The following HSPG2 variants were observed in gnomAD, a reference collection of about 807,000 sequenced individuals.
The protein encoded by HSPG2 is heparan sulfate proteoglycan 2.
A neutral mutation model predicts 526.6 loss-of-function variants in HSPG2; 278 were observed. The ratio of observed to expected loss-of-function variants is 0.53; its 90% CI spans 0.48 to 0.58. The LOEUF (loss-of-function observed/expected upper bound fraction) is 0.58, where lower values mean the gene tolerates loss of function less well. HSPG2 is among the 20% of genes least tolerant of loss of function. The pLI is 0.00. For missense variants in HSPG2, 5,354 were observed against 6,099.5 expected (o/e 0.88, Z 4.07); for synonymous variants, 2,465 against 2,555.4 (o/e 0.96, Z 1.07).
At chr1:21,852,627 G>T in intron 52 of HSPG2, 73 bp downstream of exon 52, 3 of 1,597,560 alleles carry the variant, frequency 1.9e-6, no homozygotes, top group East Asian at 2.2e-5. Flanking sequence ...CAGCAAGAGG[G>T]GTCCCTTGGA....
At chr1:21,861,733 C>G (rs747445954) in intron 39 of HSPG2, 24 bp downstream of exon 39, 1 of 1,608,402 alleles carries the variant, frequency 6.2e-7, no homozygotes, top group East Asian at 2.2e-5. Context: ...TCCACCCTCC[C>G]CCTACTTCTG....
chr1:21,870,397 A>T, intron 33 of HSPG2: 2 of 566,000 alleles, frequency 3.5e-6, no homozygotes, highest in Non-Finnish European at 4.4e-6. Context: ...CTACCCACGG[A>T]CATGGTAGTC....
rs963249592 is a variant in HSPG2, at chr1:21,841,392, A to G, written c.9329-107T>C. 142 of 1,557,728 alleles carry G rather than the reference A, an allele frequency of 9.1e-5. No individual in the cohort carries two copies. In the Middle Eastern group the frequency reaches 1.8e-3, roughly 20 times the overall value. ...CTGCTGGGTGGGCACCTGTCTCCCC[A>G]CTGCACTGAGGTGGAAACTGAGGCT... On this transcript the variant is annotated intron_variant, in intron 70 of 96. Coordinates refer to ENST00000374695, the MANE Select transcript of HSPG2 (RefSeq NM_005529.7).
chr1:21,859,781 C>A lies in HSPG2; in HGVS notation c.5182+54G>T. Reference sequence around the variant, plus strand: ...CACTAGGGCAGGGACAGGCCCCTGCCTCCCCTCCCACTGGGATGGCTCTTG... The same window carrying A: ...CACTAGGGCAGGGACAGGCCCCTGCATCCCCTCCCACTGGGATGGCTCTTG... On this transcript the variant is annotated intron_variant, in intron 41 of 96. Coordinates refer to ENST00000374695, the MANE Select transcript of HSPG2 (RefSeq NM_005529.7). The surrounding 1 kb of genome is among the most constrained non-coding windows in gnomAD (Gnocchi z 5.3). The A allele has an allele frequency of 1.2e-6, 2 of 1,601,604 alleles. No individual in the cohort carries two copies. The highest frequency in any genetic ancestry group is 1.7e-6 in the Non-Finnish European group (2 of 1,174,934).
In HSPG2 at chr1:21,864,932, C is replaced by A; in HGVS notation, c.4537G>T (p.Val1513Phe). ...CTGTTTGAGGGCCCCGGCTGGGCGA[C>A]CTCCAGGCTGACTGCGCTGATGCTG... ...AASISAVSLE[V>F]AQPGPSNRPR... The change falls in exon 36 of 97, where the codon GTC (valine) becomes TTC (phenylalanine). Residue 1513 changes from valine (V) to phenylalanine (F), a missense_variant. Transcript: ENST00000374695. The surrounding 1 kb of genome is among the most constrained non-coding windows in gnomAD (Gnocchi z 4.8). 1 of 1,607,272 alleles carries A rather than the reference C, an allele frequency of 6.2e-7. No individual in the cohort carries two copies. Among genetic ancestry groups the A allele is most frequent in the South Asian group, 1.1e-5 (1 of 90,192 alleles).
In HSPG2 at chr1:21,828,113, C is replaced by T. The variant is rs757540704; in HGVS notation, c.12449G>A (p.Arg4150His). ...CEHEENPCQL[R>H]EPCLHGGTCQ... ...GGTGCCCCCATGCAGACAGGGTTCA[C>T]GGAGCTGGCAGGGGTTCTCCTCGTG... The change falls in exon 90 of 97, where the codon CGT becomes CAT. Residue 4150 changes from arginine to histidine, a missense_variant. Arg to His is a conservative substitution (Grantham distance 29, BLOSUM62 0). Transcript: ENST00000374695. The surrounding 1 kb of genome is among the most constrained non-coding windows in gnomAD (Gnocchi z 6.0). The T allele has an allele frequency of 1.5e-5, 21 of 1,443,622 alleles. No individual in the cohort carries two copies. Among genetic ancestry groups the T allele is most frequent in the South Asian group, 2.3e-5 (2 of 88,826 alleles). The allele number at this position is 1,443,622 out of a possible 1,614,324, so 89.4% of individuals were successfully genotyped here. A position where few individuals can be genotyped will look rare whatever the true frequency, so the allele number is the denominator to read the frequency against.
intron 76 of HSPG2, 176 bp from the exon 77 acceptor site, chr1:21,835,121 T>C (rs1557684279): frequency 5.3e-6 from 4 of 752,164 alleles, no homozygotes; most frequent in Non-Finnish European, 9.1e-6. Context: ...CTTATGCATT[T>C]ACTCACTCAC....
chr1:21,845,980 G>T, intron 64 of HSPG2, 128 bp downstream of exon 64: 1 of 1,183,526 alleles, frequency 8.4e-7, no homozygotes, highest in Non-Finnish European at 1.2e-6. Context: ...GGCGGGAGGT[G>T]AAGTCTGGAA....
In HSPG2 at chr1:21,908,139, G is replaced by A. The variant is rs140803829; in HGVS notation, c.64-11829C>T. ...GAAAGAGGAGAGGCACCCAATAGAT[G>A]TTCTCCAGGCCTTTTAGAAAACATG... On this transcript the variant is annotated intron_variant, in intron 1 of 96. Coordinates refer to ENST00000374695, the MANE Select transcript of HSPG2 (RefSeq NM_005529.7). 1,279 of 828,674 alleles carry A rather than the reference G, an allele frequency of 1.5e-3. 10 individuals carry two copies. In the African/African-American group the frequency reaches 0.019, roughly 12 times the overall value. The allele number at this position is 828,674 out of a possible 1,614,324, so 51.3% of individuals were successfully genotyped here.
At chr1:21,860,645 C>T (rs1227818586) in intron 39 of HSPG2, among the ~76,000 whole-genome samples, 1 of 152,088 alleles carries the variant, frequency 6.6e-6, no homozygotes, top group East Asian at 1.9e-4. Flanking sequence ...GGGTGCGCCA[C>T]CACACCCAGC....
Position 21,885,468 on chromosome 1 carries a change from G to A in HSPG2, c.1079-17C>T, listed in dbSNP as rs372921459. Reference sequence around the variant, plus strand: ...GCTTGGTGGCTGGGGACAAAGCCAGGTGGTTCCCAATAGCCCACCCCGTCC... The same window carrying A: ...GCTTGGTGGCTGGGGACAAAGCCAGATGGTTCCCAATAGCCCACCCCGTCC... On this transcript the variant is annotated splice_polypyrimidine_tract_variant and intron_variant, in intron 9 of 96. Coordinates refer to ENST00000374695, the MANE Select transcript of HSPG2 (RefSeq NM_005529.7). The A allele has an allele frequency of 3.7e-6, 6 of 1,613,776 alleles. No homozygotes were observed. The highest frequency in any genetic ancestry group is 3.3e-5 in the South Asian group (3 of 91,062).
intron 52 of HSPG2, 108 bp downstream of exon 52, chr1:21,852,592 C>G: frequency 6.7e-7 from 1 of 1,488,722 alleles, no homozygotes; most frequent in Non-Finnish European, 9.3e-7. Context: ...CTGCAGCCAG[C>G]TCCGGTGTGG....
At chr1:21,868,449 G>C (rs1640405580) in intron 33 of HSPG2, among the ~76,000 whole-genome samples, 1 of 152,208 alleles carries the variant, frequency 6.6e-6, no homozygotes, top group African/African-American at 2.4e-5. Flanking sequence ...TAATGATACT[G>C]ATGGTGACAG....
At chr1:21,849,827 G>A (rs572044904) in intron 57 of HSPG2, among the ~76,000 whole-genome samples, 2 of 152,068 alleles carry the variant, frequency 1.3e-5, no homozygotes, top group Non-Finnish European at 2.9e-5. Flanking sequence ...TTACAGGCGC[G>A]CACCACCACG....
chr1:21,830,800 TG>T (rs1329092479), intron 85 of HSPG2, 181 bp downstream of exon 85: 3 of 574,992 alleles, frequency 5.2e-6, no homozygotes, highest in Non-Finnish European at 9.4e-6. Context: ...GCAGCAGTGA[TG>T]GGGTGAGGGC....
intron 29 of HSPG2, 128 bp downstream of exon 29, chr1:21,873,797 G>A: frequency 1.3e-6 from 1 of 759,704 alleles, no homozygotes; most frequent in South Asian, 1.8e-5. Context: ...CTGTCTTCTG[G>A]GGCCTGTGCG....
intron 66 of HSPG2, 28 bp downstream of exon 66, chr1:21,843,269 G>C: frequency 6.2e-7 from 1 of 1,613,626 alleles, no homozygotes; most frequent in Non-Finnish European, 8.5e-7. Flanking sequence ...CTGTGCTCTG[G>C]CATCGCCCAC....
In HSPG2 at chr1:21,880,717, G is replaced by T. The variant is rs1159481008; in HGVS notation, c.1937C>A (p.Ser646Tyr). The stretch of plus-strand genomic sequence containing the variant: ...AGGTTGGGTGGGTGTGTGGCCTCGG[G>T]AGAGGAGGCGGTACCCGGCACCCAT... ...VLMGAGYRLL[S>Y]RGHTPTQPGA... Residue 646 changes from serine to tyrosine, a missense_variant, in exon 15 of 97, where the codon TCC becomes TAC. Transcript: ENST00000374695. 6 of 1,600,714 alleles carry T rather than the reference G, an allele frequency of 3.7e-6. No homozygotes were observed. Among genetic ancestry groups the T allele is most frequent in the Non-Finnish European group, 5.1e-6 (6 of 1,174,252 alleles).
At chr1:21,885,524 C>T in intron 9 of HSPG2, 73 bp from the exon 10 acceptor site, 1 of 1,574,348 alleles carries the variant, frequency 6.4e-7, no homozygotes, top group Non-Finnish European at 8.7e-7. Context: ...GGGCCACTCT[C>T]TCATCTTGCC....
Sources: allele counts gnomAD v4.1 joint callset (sites outside exome capture counted in the v4.1 genomes callset), GRCh38; gene constraint gnomAD v4.1.1; non-coding constraint Gnocchi (gnomAD v3.1); transcripts MANE v1.5; gene names NCBI Gene and HGNC (gene_info 2026-07-23, HGNC 2026-07-21).